COL8A2: variants seen among roughly 807,000 people sequenced by gnomAD.
COL8A2 encodes collagen alpha-2(VIII) chain.
In COL8A2, 16 loss-of-function variants were observed where a neutral mutation model predicts 24.0. That is an observed-to-expected ratio of 0.67 (90% CI 0.45 to 1.01). The LOEUF (loss-of-function observed/expected upper bound fraction) is 1.01. Among genes scored for constraint, COL8A2 ranks in the 50% least tolerant of loss-of-function variants. COL8A2 has a pLI of 0.00. For synonymous variants in COL8A2, 466 were observed against 424.5 expected, an observed-to-expected ratio of 1.10 and a Z score of -1.20; for missense variants, 818 against 942.4, an observed-to-expected ratio of 0.87 and a Z score of 1.73.
intron 2 of COL8A2, among the ~76,000 whole-genome samples, chr1:36,114,932 G>A (rs1051999109): frequency 6.6e-6 from 1 of 152,154 alleles, no homozygotes; most frequent in Non-Finnish European, 1.5e-5. Context: ...GCCCATCTCT[G>A]AGTCTAGGTT....
chr1:36,121,861 T>C (rs1643917157), intron 1 of COL8A2, among the ~76,000 whole-genome samples: 2 of 152,172 alleles, frequency 1.3e-5, no homozygotes, highest in South Asian at 4.1e-4. Context: ...GGCTGCCGTG[T>C]GACCTCAGGT....
rs1377667209 is a variant in COL8A2, at chr1:36,125,030, C to T, written c.-62+27G>A. 57 of 941,502 alleles carry T rather than the reference C, an allele frequency of 6.1e-5. No individual in the cohort carries two copies. Among genetic ancestry groups the T allele is most frequent in the Non-Finnish European group, 7.0e-5 (55 of 790,082 alleles). 58.3% of individuals were successfully genotyped at this position (941,502 alleles called of 1,614,324 possible). On this transcript the variant is annotated intron_variant, in intron 1 of 3. Coordinates refer to ENST00000397799, the MANE Select transcript of COL8A2 (RefSeq NM_005202.4). This position sits in a 1 kb window ranked among gnomAD's most constrained non-coding sequence, Gnocchi z 4.5. ...TGCCCTCGGAGCCCCCCAGCCCGAG[C>T]CCCGGTGCCCGCCTCCTGGCCTTTA... is the stretch of plus-strand genomic sequence containing the variant.
intron 2 of COL8A2, among the ~76,000 whole-genome samples, chr1:36,110,145 G>A (rs1380133904): frequency 6.7e-6 from 1 of 150,244 alleles, no homozygotes; most frequent in Non-Finnish European, 1.5e-5. Context: ...TGTTAGCCAG[G>A]ATTGTCTCGA....
intron 1 of COL8A2, among the ~76,000 whole-genome samples, chr1:36,117,044 C>T (rs944159350): frequency 2.0e-5 from 3 of 152,232 alleles, no homozygotes; most frequent in Non-Finnish European, 4.4e-5. Flanking sequence ...GCCAGCCCAC[C>T]TGGCAGGGAG....
chr1:36,104,035 A>T (rs2124083992), intron 2 of COL8A2, among the ~76,000 whole-genome samples: 1 of 151,682 alleles, frequency 6.6e-6, no homozygotes, highest in African/African-American at 2.4e-5. Context: ...CTCCACTAAA[A>T]ATACAAAAAA....
At chr1:36,106,522 G>A (rs1643764150) in intron 2 of COL8A2, among the ~76,000 whole-genome samples, 1 of 152,162 alleles carries the variant, frequency 6.6e-6, no homozygotes, top group Admixed American at 6.5e-5. Flanking sequence ...CAGATGGAAG[G>A]GGCAGAGTGT....
rs578200342 is a variant in COL8A2, at chr1:36,123,567, C to T, written c.-62+1490G>A. Among the ~76,000 whole-genome samples the T allele has an allele frequency of 1.1e-3, 162 of 152,006 alleles. No individual in the cohort carries two copies. Among genetic ancestry groups the T allele is most frequent in the Non-Finnish European group, 1.6e-3 (109 of 67,994 alleles). On this transcript the variant is annotated intron_variant, in intron 1 of 3. Transcript: ENST00000397799. The surrounding 1 kb of genome is among the most constrained non-coding windows in gnomAD (Gnocchi z 4.1). ...GGTGTGAGCGTATGTGTGTGTGTGCCGTCCTGTCTGAGTATGTCTGGCTGG... is the reference window on the plus strand; with the variant it reads ...GGTGTGAGCGTATGTGTGTGTGTGCTGTCCTGTCTGAGTATGTCTGGCTGG...
chr1:36,119,142 G>A (rs1241111634), intron 1 of COL8A2, among the ~76,000 whole-genome samples: 1 of 152,168 alleles, frequency 6.6e-6, no homozygotes, highest in Non-Finnish European at 1.5e-5. Context: ...GGAAGTGAAA[G>A]GGGTGGAATC....
Position 36,125,025 on chromosome 1 carries a change from C to T in COL8A2, c.-62+32G>A. The T allele has an allele frequency of 1.1e-6, 1 of 931,244 alleles. No homozygotes were observed. The highest frequency in any genetic ancestry group is 1.3e-6 in the Non-Finnish European group (1 of 780,472). 57.7% of individuals were successfully genotyped at this position (931,244 alleles called of 1,614,324 possible). ...GGTCTTGCCCTCGGAGCCCCCCAGC[C>T]CGAGCCCCGGTGCCCGCCTCCTGGC... On this transcript the variant is annotated intron_variant, in intron 1 of 3. Transcript: ENST00000397799. The surrounding 1 kb of genome is among the most constrained non-coding windows in gnomAD (Gnocchi z 4.5).
chr1:36,102,664 G>GTTTTTT lies in COL8A2; in HGVS notation c.-16-2412_-16-2407dup, dbSNP rs201487516. Among the ~76,000 whole-genome samples the GTTTTTT allele has an allele frequency of 1.2e-3, 115 of 94,790 alleles. 16 individuals carry two copies. The highest frequency in any genetic ancestry group is 1.5e-3 in the East Asian group (5 of 3,382). The allele number at this position is 94,790 out of a possible 152,430, so 62.2% of individuals were successfully genotyped here. On this transcript the variant is annotated intron_variant, in intron 2 of 3. Coordinates refer to ENST00000397799, the MANE Select transcript of COL8A2 (RefSeq NM_005202.4). ...TGTGTGAATTATATCTATAAAGCTG[G>GTTTTTT]TTTTTTGTTTTTTTTTTTTTTTTTT... is the stretch of plus-strand genomic sequence containing the variant.
rs140015576 is a variant in COL8A2 at position 36,097,917 on chromosome 1, C to T, written c.1764G>A (p.Ser588=). The change falls in exon 4 of 4, where the codon TCG becomes TCA. Residue 588 remains serine, a synonymous_variant. Coordinates refer to ENST00000397799, the MANE Select transcript of COL8A2 (RefSeq NM_005202.4). ...TCCGGTCAAATTTCACGGGCATGCC[C>T]GAGGCGGGGAAGGGCGAGGTGAGCA... ...TAVLTSPFPA[S]GMPVKFDRTL... The T allele has an allele frequency of 2.5e-4, 401 of 1,611,706 alleles. No individual in the cohort carries two copies. The highest frequency in any genetic ancestry group is 2.0e-3 in the Middle Eastern group (12 of 6,078).
chr1:36,099,340 G>A lies in COL8A2; in HGVS notation c.341C>T (p.Ala114Val), dbSNP rs1249061420. Residue 114 changes from alanine to valine, a missense_variant, in exon 4 of 4, where the codon GCT (alanine) becomes GTT (valine). Around this residue, in one of 3 missense-constraint regions of COL8A2, gnomAD observed 573 missense variants for 616.8 expected, o/e 0.93. Coordinates refer to ENST00000397799, the MANE Select transcript of COL8A2 (RefSeq NM_005202.4). ...CATCCGGGAGAAGCCAGGGGGCCCA[G>A]CAGGGCCAGGCTGCCCATGGAGTCC... Reference protein sequence around the residue: ...KPGLHGQPGPAGPPGFSRMGK... With the variant: ...KPGLHGQPGPVGPPGFSRMGK... 6.3e-7 allele frequency: 1 copy of A among 1,581,836 alleles called. No individual in the cohort carries two copies. The highest frequency in any genetic ancestry group is 1.3e-5 in the African/African-American group (1 of 74,548).
rs539575398 is a variant in COL8A2 at position 36,124,189 on chromosome 1, AGGAG to A, written c.-62+864_-62+867del. On this transcript the variant is annotated intron_variant, in intron 1 of 3. Transcript: ENST00000397799. The stretch of plus-strand genomic sequence containing the variant: ...ATTTCTGGTTGCTCCGGCACCCCTA[AGGAG>A]GTCAGCCGCACGTCTGTGTCAGGAA... Among the ~76,000 whole-genome samples, 740 of 152,266 alleles carry A rather than the reference AGGAG, an allele frequency of 4.9e-3. 6 individuals are homozygous for A. Among genetic ancestry groups the A allele is most frequent in the African/African-American group, 0.017 (708 of 41,556 alleles).
At chr1:36,108,341 GC>G (rs1162370693) in intron 2 of COL8A2, among the ~76,000 whole-genome samples, 1 of 152,238 alleles carries the variant, frequency 6.6e-6, no homozygotes, top group Non-Finnish European at 1.5e-5. Context: ...AGGGTCAGGG[GC>G]TGGGCCCTGA....
At chr1:36,106,932 G>A (rs1394083967) in intron 2 of COL8A2, among the ~76,000 whole-genome samples, 1 of 151,836 alleles carries the variant, frequency 6.6e-6, no homozygotes, top group Non-Finnish European at 1.5e-5. Flanking sequence ...GTGTCGCCAT[G>A]AGTGAGGAGG....
At chr1:36,103,508 C>T (rs748736686) in intron 2 of COL8A2, among the ~76,000 whole-genome samples, 10 of 151,720 alleles carry the variant, frequency 6.6e-5, no homozygotes, top group Non-Finnish European at 1.2e-4. Flanking sequence ...CTCCTGACCT[C>T]ATGATCTGCC....
In COL8A2 at chr1:36,098,023, C is replaced by A. The variant is rs1481086907; in HGVS notation, c.1658G>T (p.Gly553Val). 6.3e-7 allele frequency: 1 copy of A among 1,594,822 alleles called. No individual in the cohort carries two copies. The highest frequency in any genetic ancestry group is 8.5e-7 in the Non-Finnish European group (1 of 1,175,130). The part of the protein sequence containing the change: ...GLHLPNGGVE[G>V]AVLGKGGKPQ... ...CTTGCCCCCCTTGCCCAGCACGGCA[C>A]CCTCCACACCGCCGTTGGGCAGGTG... is the stretch of plus-strand genomic sequence containing the variant. Residue 553 changes from glycine (G) to valine (V), a missense_variant, in exon 4 of 4, where the codon GGT becomes GTT. By Grantham distance (109) the Gly-to-Val change is moderately radical. Transcript: ENST00000397799.
chr1:36,117,360 G>A (rs918724304), intron 1 of COL8A2, among the ~76,000 whole-genome samples: 1 of 152,220 alleles, frequency 6.6e-6, no homozygotes, highest in African/African-American at 2.4e-5. Flanking sequence ...GAGACTCTGG[G>A]AGAAGAAATG....
At position 36,125,197 on chromosome 1, in the gene COL8A2, C is replaced by G. The variant is rs1233532121; in HGVS notation, c.-202G>C. 1 of 360,744 alleles carries G rather than the reference C, an allele frequency of 2.8e-6. No homozygotes were observed. The highest frequency in any genetic ancestry group is 2.2e-5 in the African/African-American group (1 of 45,192). 22.3% of individuals were successfully genotyped at this position (360,744 alleles called of 1,614,324 possible). On this transcript the variant is annotated 5_prime_UTR_variant, in exon 1 of 4. Transcript: ENST00000397799. This position sits in a 1 kb window ranked among gnomAD's most constrained non-coding sequence, Gnocchi z 4.5. ...CCGGCGGGGTTCCGCGTCGCTCTGC[C>G]GGCCGCCCCTCGCGGCTGCCGGAGT...
Sources: allele counts gnomAD v4.1 joint callset (sites outside exome capture counted in the v4.1 genomes callset), GRCh38; gene constraint gnomAD v4.1.1; regional missense constraint gnomAD v4.1.1; non-coding constraint Gnocchi (gnomAD v3.1); transcripts MANE v1.5; gene names NCBI Gene and HGNC (gene_info 2026-07-23, HGNC 2026-07-21).